The following SAMD12 variants were observed in gnomAD, a reference collection of about 807,000 sequenced individuals.
The protein encoded by SAMD12 is sterile alpha motif domain containing 12.
In SAMD12, 9 loss-of-function variants were observed where a neutral mutation model predicts 15.0. That is an observed-to-expected ratio of 0.60 (90% CI 0.36 to 1.05). SAMD12 has a LOEUF of 1.05. Among genes scored for constraint, SAMD12 ranks in the 50% least tolerant of loss-of-function variants. The pLI is 0.01. For synonymous variants in SAMD12, 86 were observed against 90.1 expected (o/e 0.96, Z 0.25); for missense variants, 230 against 234.2 (o/e 0.98, Z 0.12).
chr8:118,304,603 C>CA (rs1815215760), intron 4 of SAMD12, among the ~76,000 whole-genome samples: 1 of 151,414 alleles, frequency 6.6e-6, no homozygotes, highest in South Asian at 2.1e-4. Flanking sequence ...ACTAAAAATA[C>CA]AAAAAAATTA....
chr8:118,143,032 A>G, the SAMD12 span, among the ~76,000 whole-genome samples: 1 of 152,194 alleles, frequency 6.6e-6, no homozygotes, highest in Non-Finnish European at 1.5e-5. Flanking sequence ...TGAGTAACTT[A>G]GCTTATACTA....
At chr8:118,480,483 T>C (rs1824094669) in intron 2 of SAMD12, among the ~76,000 whole-genome samples, 1 of 152,226 alleles carries the variant, frequency 6.6e-6, no homozygotes, top group South Asian at 2.1e-4. Context: ...ATAAGTGCAG[T>C]TGCAAATGTC....
intron 4 of SAMD12, among the ~76,000 whole-genome samples, chr8:118,286,216 A>T (rs1231595005): frequency 6.6e-6 from 1 of 152,038 alleles, no homozygotes; most frequent in African/African-American, 2.4e-5. Flanking sequence ...TACCTAACGT[A>T]AATGACGAGT....
intron 4 of SAMD12, among the ~76,000 whole-genome samples, chr8:118,332,065 A>G (rs1816830899): frequency 1.3e-5 from 2 of 152,212 alleles, no homozygotes; most frequent in South Asian, 2.1e-4. Flanking sequence ...AGAAAAACTC[A>G]GGCCATATAG....
chr8:118,176,176 C>T, the SAMD12 span, among the ~76,000 whole-genome samples: 1 of 152,138 alleles, frequency 6.6e-6, no homozygotes, highest in Non-Finnish European at 1.5e-5. Flanking sequence ...TGGCATGCGC[C>T]TGTAGTCCCA....
intron 2 of SAMD12, among the ~76,000 whole-genome samples, chr8:118,510,361 C>A (rs182564193): frequency 6.6e-6 from 1 of 152,194 alleles, no homozygotes; most frequent in East Asian, 1.9e-4. Flanking sequence ...ACAGATCACA[C>A]TCTGAGAAAC....
chr8:118,266,200 A>C (rs939564734), intron 4 of SAMD12, among the ~76,000 whole-genome samples: 1 of 152,142 alleles, frequency 6.6e-6, no homozygotes, highest in Non-Finnish European at 1.5e-5. Context: ...AAACTGCCTG[A>C]TGATCCAATC....
intron 3 of SAMD12, 76 bp downstream of exon 3, chr8:118,439,756 G>C (rs543332702): frequency 1.4e-6 from 2 of 1,415,950 alleles, no homozygotes; most frequent in Admixed American, 1.8e-5. Flanking sequence ...GTTGTTTCAT[G>C]GTAAGGGTAT....
At chr8:118,417,716 T>C (rs541248587) in intron 3 of SAMD12, among the ~76,000 whole-genome samples, 2 of 152,226 alleles carry the variant, frequency 1.3e-5, no homozygotes, top group East Asian at 3.9e-4. Flanking sequence ...ACACATGCAA[T>C]GGAAAGAAAT....
chr8:118,376,949 A>T (rs1301580364), downstream of SAMD12, among the ~76,000 whole-genome samples: 1 of 130,770 alleles, frequency 7.6e-6, no homozygotes, highest in Admixed American at 7.1e-5. Flanking sequence ...CCTAGACCCA[A>T]AATATTTTAA....
intron 4 of SAMD12, chr8:118,284,375 G>T (rs1238369667): frequency 2.2e-6 from 1 of 455,156 alleles, no homozygotes; most frequent in East Asian, 7.0e-5. Context: ...CACTGAATTG[G>T]ACAAGAATCA....
intron 4 of SAMD12, among the ~76,000 whole-genome samples, chr8:118,224,573 A>C (rs1401389282): frequency 6.6e-6 from 1 of 152,240 alleles, no homozygotes; most frequent in Non-Finnish European, 1.5e-5. Context: ...CATAGGACAG[A>C]CAGCCACAGG....
intron 4 of SAMD12, among the ~76,000 whole-genome samples, chr8:118,262,167 G>A (rs1225976679): frequency 6.6e-6 from 1 of 151,974 alleles, no homozygotes; most frequent in East Asian, 1.9e-4. Flanking sequence ...GTCTCAAAGG[G>A]AGGCAGGTGA....
chr8:118,516,701 C>A (rs1340001151), intron 2 of SAMD12, among the ~76,000 whole-genome samples: 1 of 148,518 alleles, frequency 6.7e-6, no homozygotes, highest in African/African-American at 2.5e-5. Context: ...TGCAGTGGTG[C>A]GATCTTGGCT....
chr8:118,163,421 G>A, the SAMD12 span, among the ~76,000 whole-genome samples: 1 of 152,180 alleles, frequency 6.6e-6, no homozygotes, highest in Non-Finnish European at 1.5e-5. Context: ...GATGTGATTT[G>A]AGGTAGGGAA....
At chr8:118,168,038 A>G in the SAMD12 span, among the ~76,000 whole-genome samples, 2 of 152,156 alleles carry the variant, frequency 1.3e-5, no homozygotes, top group African/African-American at 4.8e-5. Context: ...GGTCTTTCCC[A>G]TGCTATTCTC....
At chr8:118,528,034 T>TA (rs1490561885) in intron 2 of SAMD12, among the ~76,000 whole-genome samples, 1 of 27,696 alleles carries the variant, frequency 3.6e-5, no homozygotes, top group East Asian at 5.3e-4. Flanking sequence ...TATATATATA[T>TA]TTTTTTTCCT....
chr8:118,451,900 C>T lies in SAMD12; in HGVS notation c.193-11939G>A, dbSNP rs1457692562. Among the ~76,000 whole-genome samples the T allele has an allele frequency of 8.5e-5, 13 of 152,250 alleles. No individual in the cohort carries two copies. The East Asian group carries it at 9.7e-4, about 11-fold the overall frequency. ...TTCAGCCAAATGATGAATAAATTGA[C>T]AGGGCTGGTATGGACTGAATATCTC... On this transcript the variant is annotated intron_variant, in intron 2 of 3. Coordinates refer to ENST00000314727, the MANE Select transcript of SAMD12 (RefSeq NM_207506.3).
At chr8:118,213,614 G>A (rs1290432124) in intron 4 of SAMD12, among the ~76,000 whole-genome samples, 1 of 152,114 alleles carries the variant, frequency 6.6e-6, no homozygotes, top group Non-Finnish European at 1.5e-5. Flanking sequence ...TTGTTGTTTT[G>A]AGCCTCTCCA....
Sources: allele counts gnomAD v4.1 joint callset (sites outside exome capture counted in the v4.1 genomes callset), GRCh38; gene constraint gnomAD v4.1.1; transcripts MANE v1.5; gene names NCBI Gene and HGNC (gene_info 2026-07-23, HGNC 2026-07-21).